Variants in SUSD4 observed in about 807,000 individuals in gnomAD.
SUSD4 encodes sushi domain containing 4.
Under a neutral mutation model 50.5 loss-of-function variants are expected in SUSD4, and 41 were observed. The ratio of observed to expected loss-of-function variants is 0.81; its 90% CI spans 0.63 to 1.05. The LOEUF (loss-of-function observed/expected upper bound fraction) is 1.05, where lower values mean the gene tolerates loss of function less well. Ranked by LOEUF, SUSD4 falls within the 50% of genes least tolerant of loss-of-function variation. SUSD4 has a pLI of 0.00. For missense variants in SUSD4, 580 were observed against 634.7 expected, an observed-to-expected ratio of 0.91 and a Z score of 0.93; for synonymous variants, 257 against 257.3, an observed-to-expected ratio of 1.00 and a Z score of 0.01.
intron 2 of SUSD4, among the ~76,000 whole-genome samples, chr1:223,334,586 G>C (rs1667353770): frequency 6.6e-6 from 1 of 152,144 alleles, no homozygotes; most frequent in African/African-American, 2.4e-5. Flanking sequence ...GAGAGGCTGG[G>C]TCACATATGA....
chr1:223,348,576 T>C (rs953384537), intron 2 of SUSD4, among the ~76,000 whole-genome samples: 1 of 151,978 alleles, frequency 6.6e-6, no homozygotes, highest in Admixed American at 6.6e-5. Flanking sequence ...CCTTGGTGGG[T>C]GAAGGGTTAA....
chr1:223,266,374 A>AG (rs1430208288), intron 4 of SUSD4, among the ~76,000 whole-genome samples: 4 of 152,194 alleles, frequency 2.6e-5, no homozygotes, highest in African/African-American at 9.7e-5. Context: ...TCAATAATTG[A>AG]GAAAAAAAGA....
chr1:223,363,132 T>G, intron 2 of SUSD4, 146 bp downstream of exon 2: 1 of 1,012,816 alleles, frequency 9.9e-7, no homozygotes, highest in Non-Finnish European at 1.3e-6. Flanking sequence ...AGGGCGGCCA[T>G]AGGCTGGGAC....
At chr1:223,260,828 T>C (rs1350460119) in intron 5 of SUSD4, among the ~76,000 whole-genome samples, 3 of 152,180 alleles carry the variant, frequency 2.0e-5, no homozygotes, top group African/African-American at 7.2e-5. Context: ...CCACCTTTGG[T>C]GAGGCTGCCA....
At chr1:223,280,419 A>AC (rs906650796) in intron 3 of SUSD4, among the ~76,000 whole-genome samples, 1,843 of 151,656 alleles carry the variant, frequency 0.012, 39 homozygotes, top group African/African-American at 0.042. Context: ...AAAACAAAAA[A>AC]AGGCAGGGGT....
intron 2 of SUSD4, among the ~76,000 whole-genome samples, chr1:223,340,993 C>T (rs557040080): frequency 2.0e-5 from 3 of 152,190 alleles, no homozygotes; most frequent in Non-Finnish European, 2.9e-5. Flanking sequence ...AATAAAAGCA[C>T]CTTGATTGCT....
intron 5 of SUSD4, among the ~76,000 whole-genome samples, chr1:223,247,184 G>C (rs893242654): frequency 6.6e-6 from 1 of 152,158 alleles, no homozygotes. Context: ...AGAGGCTGCT[G>C]GTTGCTCACC....
At chr1:223,313,142 G>T (rs954466498) in intron 2 of SUSD4, among the ~76,000 whole-genome samples, 1 of 152,164 alleles carries the variant, frequency 6.6e-6, no homozygotes, top group African/African-American at 2.4e-5. Context: ...TGCTAAAGAG[G>T]TGACTCAGGA....
rs569276268 is a variant in SUSD4 at position 223,352,824 on chromosome 1, T to C, written c.148+10454A>G. ...CAACTCCCAGTTCACCCCACTGTCC[T>C]ACCTGAGCCCATGGGGGCGAACTCA... On this transcript the variant is annotated intron_variant, in intron 2 of 8. Transcript: ENST00000366878. 2.1e-4 allele frequency among the ~76,000 whole-genome samples: 32 copies of C among 152,206 alleles called. 2 individuals carry two copies. The highest frequency in any genetic ancestry group is 6.8e-3 in the Middle Eastern group (2 of 294).
At chr1:223,254,541 A>G (rs1661557371) in intron 5 of SUSD4, among the ~76,000 whole-genome samples, 1 of 152,172 alleles carries the variant, frequency 6.6e-6, no homozygotes, top group Non-Finnish European at 1.5e-5. Context: ...AGGACCATCT[A>G]TCATGTTGGG....
intron 2 of SUSD4, among the ~76,000 whole-genome samples, chr1:223,301,123 G>A (rs1665164455): frequency 6.6e-6 from 1 of 152,170 alleles, no homozygotes; most frequent in Non-Finnish European, 1.5e-5. Flanking sequence ...AGATCTTCAT[G>A]ATATTATATA....
rs141716617 is a variant in SUSD4, at chr1:223,229,290, C to T, written c.823G>A (p.Asp275Asn). ...NHGTVVEFYC[D>N]PGYSLTSDYK... ...TCGCTGGTGAGGCTGTAGCCAGGATCGCAGTAAAACTCCACCACAGTTCCG... is the reference window on the plus strand; with the variant it reads ...TCGCTGGTGAGGCTGTAGCCAGGATTGCAGTAAAACTCCACCACAGTTCCG... The change falls in exon 6 of 9, where the codon GAT becomes AAT. Residue 275 changes from aspartate to asparagine, a missense_variant. Physicochemically the swap from Asp to Asn is conservative, Grantham distance 23. Coordinates refer to ENST00000366878, the MANE Select transcript of SUSD4 (RefSeq NM_017982.4). The surrounding 1 kb of genome is among the most constrained non-coding windows in gnomAD (Gnocchi z 4.7). 778 of 1,613,358 alleles carry T rather than the reference C, an allele frequency of 4.8e-4. 9 individuals carry two copies. In the African/African-American group the frequency reaches 8.7e-3, roughly 18 times the overall value.
At chr1:223,283,035 A>G (rs937347354) in intron 3 of SUSD4, among the ~76,000 whole-genome samples, 1 of 152,236 alleles carries the variant, frequency 6.6e-6, no homozygotes, top group African/African-American at 2.4e-5. Flanking sequence ...CTGGCTAGCC[A>G]TATGTAGAAA....
intron 2 of SUSD4, among the ~76,000 whole-genome samples, chr1:223,305,154 C>G (rs1221975256): frequency 6.6e-6 from 1 of 151,956 alleles, no homozygotes; most frequent in Non-Finnish European, 1.5e-5. Flanking sequence ...CTTCAAGAGC[C>G]AGGCTTGCAG....
Position 223,227,601 on chromosome 1 carries a change from G to A in SUSD4, c.1054C>T (p.Pro352Ser). The change falls in exon 7 of 9, where the codon CCC becomes TCC. Residue 352 changes from proline to serine, a missense_variant. Coordinates refer to ENST00000366878, the MANE Select transcript of SUSD4 (RefSeq NM_017982.4). The surrounding 1 kb of genome is among the most constrained non-coding windows in gnomAD (Gnocchi z 4.5). ...CCAAGACATGACACTGACCTGGGGG[G>A]AAAGTGGGCCTTGAACTTGGTCTGG... ...MFQTKFKAHF[P>S]PRGPPRSSSS... 5.0e-6 allele frequency: 8 copies of A among 1,613,772 alleles called. No individual in the cohort carries two copies. Among genetic ancestry groups the A allele is most frequent in the Non-Finnish European group, 5.9e-6 (7 of 1,179,820 alleles).
rs530586863 is a variant in SUSD4 at position 223,339,545 on chromosome 1, C to T, written c.148+23733G>A. 5.3e-5 allele frequency among the ~76,000 whole-genome samples: 8 copies of T among 152,178 alleles called. 1 individual carries two copies. The East Asian group carries it at 9.6e-4, about 18-fold the overall frequency. On this transcript the variant is annotated intron_variant, in intron 2 of 8. Transcript: ENST00000366878. ...GCTCCCAAAGTCTAATCCCTGCCCC[C>T]GCCAGGTCCCTGTCAGATCTGGTGT...
intron 2 of SUSD4, among the ~76,000 whole-genome samples, chr1:223,299,626 G>A (rs1006353645): frequency 2.6e-5 from 4 of 152,152 alleles, no homozygotes; most frequent in Non-Finnish European, 5.9e-5. Flanking sequence ...CATGATTCTA[G>A]GGGTATGTGT....
chr1:223,306,516 G>A (rs1222039059), intron 2 of SUSD4, among the ~76,000 whole-genome samples: 2 of 152,132 alleles, frequency 1.3e-5, no homozygotes, highest in South Asian at 2.1e-4. Context: ...TTTTGAGATA[G>A]GGTCTCACTC....
chr1:223,280,045 T>C (rs1663586405), intron 3 of SUSD4, among the ~76,000 whole-genome samples: 2 of 152,178 alleles, frequency 1.3e-5, no homozygotes, highest in African/African-American at 2.4e-5. Context: ...CTGAGAGATT[T>C]TGTCACCACC....
Sources: gnomAD v4.1 joint callset for allele counts (sites outside exome capture counted in the v4.1 genomes callset) on GRCh38, gnomAD v4.1.1 for gene constraint, Gnocchi (gnomAD v3.1) non-coding constraint, MANE v1.5 for transcripts, NCBI Gene and HGNC (gene_info 2026-07-23, HGNC 2026-07-21) for gene names.